The following ABCC4 variants were observed in gnomAD, a reference collection of about 807,000 sequenced individuals.
ABCC4 encodes the protein ATP binding cassette subfamily C member 4 (PEL blood group).
ABCC4 carries 102 observed loss-of-function variants against 168.5 expected under a neutral mutation model. That is an observed-to-expected ratio of 0.61 (90% CI 0.52 to 0.71). The LOEUF (loss-of-function observed/expected upper bound fraction) is 0.71. Among genes scored for constraint, ABCC4 ranks in the 30% least tolerant of loss-of-function variants. The pLI, the probability that ABCC4 is intolerant of heterozygous loss-of-function variation, is 0.00. For missense variants in ABCC4, 1,402 were observed against 1,605.8 expected (o/e 0.87, Z 2.17); for synonymous variants, 617 against 590.7 (o/e 1.04, Z -0.65).
intron 1 of ABCC4, among the ~76,000 whole-genome samples, chr13:95,273,216 T>C (rs1395236472): frequency 1.3e-5 from 2 of 152,216 alleles, no homozygotes; most frequent in Non-Finnish European, 2.9e-5. Context: ...CAATAGCACA[T>C]GTGTTACAAT....
rs189706502 is a variant in ABCC4, at chr13:95,221,280, G to A, written c.532-10499C>T. ...GTCTCACTCCAGTGCCCAGGATGGC[G>A]TACAGTGGCACAATCATGGCTCACT... is the stretch of plus-strand genomic sequence containing the variant. On this transcript the variant is annotated intron_variant, in intron 4 of 30. Transcript: ENST00000645237. Among the ~76,000 whole-genome samples the A allele has an allele frequency of 2.6e-4, 40 of 152,248 alleles. 1 individual carries two copies. Among genetic ancestry groups the A allele is most frequent in the Admixed American group, 1.8e-3 (27 of 15,286 alleles).
In ABCC4 at chr13:95,021,561, C is replaced by T; in HGVS notation, c.*14G>A. The T allele has an allele frequency of 6.4e-7, 1 of 1,569,982 alleles. No individual in the cohort carries two copies. The highest frequency in any genetic ancestry group is 8.8e-7 in the Non-Finnish European group (1 of 1,141,618). ...GAAAATGCCTTCGGAACGGACTTGA[C>T]ATTTTGGTTGGATTCACAGTGCTGT... On this transcript the variant is annotated 3_prime_UTR_variant, in exon 31 of 31. Coordinates refer to ENST00000645237, the MANE Select transcript of ABCC4 (RefSeq NM_005845.5).
intron 27 of ABCC4, among the ~76,000 whole-genome samples, chr13:95,047,783 G>T (rs1012752062): frequency 6.6e-5 from 10 of 151,920 alleles, no homozygotes; most frequent in African/African-American, 2.2e-4. Context: ...ACGCCCAGCC[G>T]CCTATTTTTA....
intron 4 of ABCC4, among the ~76,000 whole-genome samples, chr13:95,227,313 A>C (rs1394268970): frequency 6.6e-6 from 1 of 152,224 alleles, no homozygotes; most frequent in Non-Finnish European, 1.5e-5. Flanking sequence ...AAACTAGAAG[A>C]CTGACAAATT....
At chr13:95,169,722 T>C (rs765779238) in intron 14 of ABCC4, among the ~76,000 whole-genome samples, 2 of 152,206 alleles carry the variant, frequency 1.3e-5, no homozygotes, top group Non-Finnish European at 2.9e-5. Context: ...CTTATAGCTA[T>C]ACCAGCTCTC....
chr13:95,138,463 G>A (rs952294462), intron 19 of ABCC4, among the ~76,000 whole-genome samples: 21 of 152,134 alleles, frequency 1.4e-4, no homozygotes, highest in Admixed American at 7.9e-4. Flanking sequence ...AAACAATATG[G>A]TGAAATGTGA....
chr13:95,236,899 C>T (rs558531102), intron 3 of ABCC4, among the ~76,000 whole-genome samples: 6 of 152,262 alleles, frequency 3.9e-5, no homozygotes, highest in African/African-American at 9.6e-5. Context: ...AGAAGCAAGA[C>T]GGCCAAACTG....
chr13:95,039,198 C>T (rs886845516), intron 29 of ABCC4, among the ~76,000 whole-genome samples: 6 of 152,156 alleles, frequency 3.9e-5, no homozygotes, highest in South Asian at 2.1e-4. Context: ...TTGCATTATA[C>T]ATACTTACAG....
intron 13 of ABCC4, among the ~76,000 whole-genome samples, chr13:95,176,228 G>T (rs1288200360): frequency 9.5e-5 from 4 of 42,048 alleles, no homozygotes; most frequent in African/African-American, 5.7e-4. Context: ...GAGGGCAGGG[G>T]GGGGGGGGGG....
chr13:95,169,604 C>T lies in ABCC4; in HGVS notation c.1824+928G>A, dbSNP rs574562380. Among the ~76,000 whole-genome samples the T allele has an allele frequency of 6.0e-4, 92 of 152,280 alleles. 1 individual carries two copies. The highest frequency in any genetic ancestry group is 7.7e-4 in the African/African-American group (32 of 41,562). ...GGTGACCGCATGGTCAGCACCTTCA[C>T]GTCACTGTACCTCAAGTCCCAGCGA... On this transcript the variant is annotated intron_variant, in intron 14 of 30. Coordinates refer to ENST00000645237, the MANE Select transcript of ABCC4 (RefSeq NM_005845.5).
chr13:95,074,070 A>G, intron 23 of ABCC4, 144 bp downstream of exon 23: 1 of 663,642 alleles, frequency 1.5e-6, no homozygotes, highest in Non-Finnish European at 2.5e-6. Flanking sequence ...ATCCTACCCA[A>G]CCTGACACAT....
intron 27 of ABCC4, among the ~76,000 whole-genome samples, 174 bp from the exon 28 acceptor site, chr13:95,044,612 C>A (rs190069763): frequency 6.6e-6 from 1 of 152,256 alleles, no homozygotes; most frequent in East Asian, 1.9e-4. Context: ...ATGGTAGAGT[C>A]AACACAAAAC....
At chr13:95,155,379 G>A (rs886992449) in intron 19 of ABCC4, among the ~76,000 whole-genome samples, 2 of 151,914 alleles carry the variant, frequency 1.3e-5, no homozygotes, top group African/African-American at 2.4e-5. Flanking sequence ...GGCAACCCTC[G>A]ATTTTTGATT....
At chr13:95,077,956 GGTTC>G (rs2033964540) in intron 21 of ABCC4, among the ~76,000 whole-genome samples, 1 of 152,116 alleles carries the variant, frequency 6.6e-6, no homozygotes. Context: ...GAGACACTGG[GGTTC>G]TGAGAAAGTG....
At chr13:95,041,339 G>T (rs1020537169) in intron 29 of ABCC4, among the ~76,000 whole-genome samples, 1 of 152,174 alleles carries the variant, frequency 6.6e-6, no homozygotes, top group Admixed American at 6.5e-5. Flanking sequence ...CATAAACAAA[G>T]CTATTAATTA....
At chr13:95,269,856 G>C (rs1356494299) in intron 1 of ABCC4, among the ~76,000 whole-genome samples, 3 of 152,014 alleles carry the variant, frequency 2.0e-5, no homozygotes, top group Non-Finnish European at 2.9e-5. Flanking sequence ...AAAGAATAGA[G>C]AAAAGAAAAA....
chr13:95,116,991 G>C (rs895237298), intron 19 of ABCC4, among the ~76,000 whole-genome samples: 1 of 152,168 alleles, frequency 6.6e-6, no homozygotes, highest in Non-Finnish European at 1.5e-5. Flanking sequence ...ACCATGAATG[G>C]TCAGAGGCTG....
intron 1 of ABCC4, among the ~76,000 whole-genome samples, chr13:95,294,576 G>A (rs1156459117): frequency 6.6e-6 from 1 of 152,146 alleles, no homozygotes; most frequent in Non-Finnish European, 1.5e-5. Context: ...TTCCAGTCGT[G>A]GAAGCGAGAC....
intron 8 of ABCC4, among the ~76,000 whole-genome samples, chr13:95,204,162 A>T (rs1460971615): frequency 1.3e-5 from 2 of 152,188 alleles, no homozygotes; most frequent in African/African-American, 4.8e-5. Flanking sequence ...GGGAACAGAG[A>T]CGAGTCATGT....
Sources: gnomAD v4.1 joint callset for allele counts (sites outside exome capture counted in the v4.1 genomes callset) on GRCh38, gnomAD v4.1.1 for gene constraint, MANE v1.5 for transcripts, NCBI Gene and HGNC (gene_info 2026-07-23, HGNC 2026-07-21) for gene names.